The following ADCY4 variants were observed in gnomAD, a reference collection of about 807,000 sequenced individuals.
ADCY4 encodes the protein adenylate cyclase type 4.
A neutral mutation model predicts 125.5 loss-of-function variants in ADCY4; 111 were observed. The observed-to-expected ratio is 0.88, with a 90% CI of 0.76 to 1.04. The LOEUF (loss-of-function observed/expected upper bound fraction) is 1.04, where lower values mean the gene tolerates loss of function less well. Ranked by LOEUF, ADCY4 falls within the 50% of genes least tolerant of loss-of-function variation. ADCY4 has a pLI of 0.00. For missense variants in ADCY4, 1,256 were observed against 1,382.9 expected (o/e 0.91, Z 1.46); for synonymous variants, 576 against 586.9 (o/e 0.98, Z 0.27).
intron 3 of ADCY4, chr14:24,332,237 CTT>C (rs61560607): frequency 0.03 from 11,385 of 382,038 alleles, no homozygotes; most frequent in Non-Finnish European, 0.035. Context: ...TCGCACAAAA[CTT>C]TTTTTTTTTT....
intron 14 of ADCY4, 42 bp from the exon 15 acceptor site, chr14:24,324,433 G>A (rs749999017): frequency 6.4e-7 from 1 of 1,566,282 alleles, no homozygotes; most frequent in African/African-American, 1.4e-5. Flanking sequence ...GCCAGAACAG[G>A]CTCCCTGTGT....
rs1030070506 is a variant in ADCY4, at chr14:24,334,757, C to G, written c.-105G>C. On this transcript the variant is annotated 5_prime_UTR_variant, in exon 1 of 25. Transcript: ENST00000418030. Reference sequence around the variant, plus strand: ...AGCTTTTCTCACCCGCTCAAAGCCGCTACCACCCCGCGCCCCCAACCTCGT... The same window carrying G: ...AGCTTTTCTCACCCGCTCAAAGCCGGTACCACCCCGCGCCCCCAACCTCGT... The G allele has an allele frequency of 1.2e-5, 11 of 924,752 alleles. No individual in the cohort carries two copies. Among genetic ancestry groups the G allele is most frequent in the Non-Finnish European group, 1.7e-5 (11 of 643,446 alleles). 57.3% of individuals were successfully genotyped at this position (924,752 alleles called of 1,614,324 possible).
chr14:24,319,713 A>C lies in ADCY4; in HGVS notation c.2733+29T>G. ...TGGAAAATTCTAGAATCTAGGACAT[A>C]GGGTCTGGGAGACTCTTGGAATTTT... On this transcript the variant is annotated intron_variant, in intron 21 of 24. Transcript: ENST00000418030. The surrounding 1 kb of genome is among the most constrained non-coding windows in gnomAD (Gnocchi z 4.5). The C allele has an allele frequency of 6.2e-7, 1 of 1,613,712 alleles. No homozygotes were observed. The highest frequency in any genetic ancestry group is 8.5e-7 in the Non-Finnish European group (1 of 1,179,874).
intron 3 of ADCY4, chr14:24,332,234 A>G (rs1194404029): frequency 4.4e-6 from 2 of 458,422 alleles, no homozygotes; most frequent in Non-Finnish European, 7.4e-6. Flanking sequence ...CCATCGCACA[A>G]AACTTTTTTT....
chr14:24,325,640 C>T (rs942485377), intron 13 of ADCY4, among the ~76,000 whole-genome samples, 166 bp from the exon 14 acceptor site: 1 of 150,732 alleles, frequency 6.6e-6, no homozygotes, highest in East Asian at 1.9e-4. Context: ...CCTTCCTCCC[C>T]CTACCATCTA....
intron 10 of ADCY4, chr14:24,328,760 A>G (rs1225421535): frequency 5.8e-6 from 2 of 347,384 alleles, no homozygotes; most frequent in Non-Finnish European, 1.0e-5. Context: ...TTATTTCTAC[A>G]CTCTCTCGTC....
Position 24,334,707 on chromosome 14 carries a change from C to T in ADCY4, c.-55G>A. On this transcript the variant is annotated 5_prime_UTR_variant, in exon 1 of 25. Coordinates refer to ENST00000418030, the MANE Select transcript of ADCY4 (RefSeq NM_001198568.2). ...GCTAGGGCCGGGCGCCGGGTTACCT[C>T]CTTCGGCCCGGCGGGCCCCACCTGA... 7.2e-7 allele frequency: 1 copy of T among 1,393,064 alleles called. No individual in the cohort carries two copies. 86.3% of individuals were successfully genotyped at this position (1,393,064 alleles called of 1,614,324 possible).
intron 1 of ADCY4, among the ~76,000 whole-genome samples, chr14:24,334,057 A>G (rs1034606405): frequency 1.4e-4 from 21 of 152,202 alleles, no homozygotes; most frequent in African/African-American, 5.1e-4. Flanking sequence ...GAAACTGGAC[A>G]TGGGTTTACT....
At chr14:24,320,762 C>T (rs2041837802) in intron 20 of ADCY4, among the ~76,000 whole-genome samples, 1 of 152,136 alleles carries the variant, frequency 6.6e-6, no homozygotes, top group African/African-American at 2.4e-5. Context: ...GTGCAGTGTC[C>T]AATAGGGTGG....
chr14:24,323,604 G>A, intron 16 of ADCY4, 150 bp from the exon 17 acceptor site: 2 of 1,450,556 alleles, frequency 1.4e-6, no homozygotes, highest in South Asian at 1.4e-5. Context: ...GGGAACCTCA[G>A]CACTGGGGTC....
At chr14:24,322,279 C>G in intron 19 of ADCY4, 55 bp from the exon 20 acceptor site, 1 of 1,562,526 alleles carries the variant, frequency 6.4e-7, no homozygotes, top group East Asian at 2.3e-5. Flanking sequence ...AAGCCCAGCT[C>G]CTGAGTGTTC....
intron 10 of ADCY4, among the ~76,000 whole-genome samples, chr14:24,326,930 C>T (rs1423760518): frequency 8.3e-6 from 1 of 119,826 alleles, no homozygotes; most frequent in Non-Finnish European, 1.6e-5. Flanking sequence ...GAGTTTCGCT[C>T]TTGTTGCCCA....
chr14:24,321,442 C>T (rs1049053122), intron 20 of ADCY4, among the ~76,000 whole-genome samples: 7 of 149,190 alleles, frequency 4.7e-5, no homozygotes, highest in South Asian at 2.1e-4. Flanking sequence ...GCCTGAGCGA[C>T]GAGAGTGAAA....
In ADCY4 at chr14:24,322,893, G is replaced by A; in HGVS notation, c.2342+11C>T. On this transcript the variant is annotated intron_variant, in intron 18 of 24. Transcript: ENST00000418030. ...GGGGGCCCGGCACCTCTGTCCAGCA[G>A]CTGTGCACACCTGGAGTCCAAGGGG... The A allele has an allele frequency of 6.3e-7, 1 of 1,584,874 alleles. No individual in the cohort carries two copies. Among genetic ancestry groups the A allele is most frequent in the East Asian group, 2.3e-5 (1 of 43,700 alleles).
intron 17 of ADCY4, 112 bp downstream of exon 17, chr14:24,323,232 A>T: frequency 7.2e-7 from 1 of 1,386,784 alleles, no homozygotes; most frequent in Non-Finnish European, 1.0e-6. Context: ...ACTGGGTGTG[A>T]CTTATGTCTG....
Position 24,331,290 on chromosome 14 carries a change from G to C in ADCY4, c.736C>G (p.Arg246Gly), listed in dbSNP as rs766880309. 1 of 1,614,060 alleles carries C rather than the reference G, an allele frequency of 6.2e-7. No individual in the cohort carries two copies. The highest frequency in any genetic ancestry group is 8.5e-7 in the Non-Finnish European group (1 of 1,180,042). ...AREMKAEIMA[R>G]LQAGQGSRPE... ...CGTGACCCCTGTCCTGCCTGCAGCC[G>C]TGCCATGATCTCTGCCTTCATCTCT... Residue 246 changes from arginine to glycine, a missense_variant, in exon 5 of 25, where the codon CGG becomes GGG. By Grantham distance (125) the Arg-to-Gly change is moderately radical. Transcript: ENST00000418030.
Position 24,319,337 on chromosome 14 carries a change from C to T in ADCY4, c.2833G>A (p.Ala945Thr), listed in dbSNP as rs1301068558. Residue 945 changes from alanine to threonine, a missense_variant, in exon 22 of 25, where the codon GCA (alanine) becomes ACA (threonine). Transcript: ENST00000418030. The surrounding 1 kb of genome is among the most constrained non-coding windows in gnomAD (Gnocchi z 4.5). ...AGGAAGGGTTGCCGTACCTGTTGTG[C>T]ATCCTGTCCAGAGGTGGCATTTAAG... ...TGLNATSGQD[A>T]QQDAERSCSH... is the part of the protein sequence containing the mutation. 2 of 1,614,144 alleles carry T rather than the reference C, an allele frequency of 1.2e-6. No homozygotes were observed. The highest frequency in any genetic ancestry group is 2.2e-5 in the East Asian group (1 of 44,880).
chr14:24,323,608 T>G, intron 16 of ADCY4, 154 bp from the exon 17 acceptor site: 1 of 1,446,816 alleles, frequency 6.9e-7, no homozygotes, highest in South Asian at 1.5e-5. Context: ...ACCTCAGCAC[T>G]GGGGTCCTCA....
In ADCY4 at chr14:24,324,370, C is replaced by G; in HGVS notation, c.1845G>C (p.Thr615=). 2 of 1,614,122 alleles carry G rather than the reference C, an allele frequency of 1.2e-6. No individual in the cohort carries two copies. Among genetic ancestry groups the G allele is most frequent in the Middle Eastern group, 1.6e-4 (1 of 6,062 alleles). The change falls in exon 15 of 25, where the codon ACG becomes ACC. Residue 615 remains threonine (T), a synonymous_variant. Transcript: ENST00000418030. ...GGAAGAGGAGGAAGGTGATGCTATA[C>G]GTGATGGCCAGAGCTGGGGGCCTGA... is the stretch of plus-strand genomic sequence containing the variant. ...VTNRPPALAI[T]YSITFLLFLL...
Sources: gnomAD v4.1 joint callset for allele counts (sites outside exome capture counted in the v4.1 genomes callset) on GRCh38, gnomAD v4.1.1 for gene constraint, Gnocchi (gnomAD v3.1) non-coding constraint, MANE v1.5 for transcripts, NCBI Gene and HGNC (gene_info 2026-07-23, HGNC 2026-07-21) for gene names.